RANBP2: variants seen among roughly 807,000 people sequenced by gnomAD.
The protein encoded by RANBP2 is E3 SUMO-protein ligase RanBP2.
In RANBP2, 57 loss-of-function variants were observed where a neutral mutation model predicts 303.6. The observed-to-expected ratio is 0.19, with a 90% confidence interval of 0.15 to 0.23. The LOEUF (loss-of-function observed/expected upper bound fraction) is 0.23. Ranked by LOEUF, RANBP2 falls within the 10% of genes least tolerant of loss-of-function variation. The pLI is 1.00. For missense variants in RANBP2, 3,138 were observed against 3,780.8 expected (o/e 0.83, Z 4.46); for synonymous variants, 1,167 against 1,301.5 (o/e 0.90, Z 2.23).
At chr2:109,629,319 A>G in the RANBP2 span, among the ~76,000 whole-genome samples, 14 of 4,000 alleles carry the variant, frequency 3.5e-3, 1 homozygote, top group African/African-American at 0.015. Context: ...ATATATATAT[A>G]TATATATATA....
At chr2:108,803,042 A>C in the RANBP2 span, among the ~76,000 whole-genome samples, 1 of 152,124 alleles carries the variant, frequency 6.6e-6, no homozygotes, top group Non-Finnish European at 1.5e-5. Context: ...GTGCCTCTTA[A>C]AGGTTGGTCT....
chr2:109,178,261 C>T, the RANBP2 span, among the ~76,000 whole-genome samples: 6 of 152,116 alleles, frequency 3.9e-5, no homozygotes, highest in East Asian at 1.9e-4. Flanking sequence ...TAGTTGTCAA[C>T]GTTTTTATCT....
the RANBP2 span, among the ~76,000 whole-genome samples, chr2:109,430,817 A>ACAGAGAC: frequency 1.3e-5 from 2 of 152,250 alleles, no homozygotes; most frequent in South Asian, 4.1e-4. Flanking sequence ...AGTTGGTCCT[A>ACAGAGAC]ATTTCACTGT....
At chr2:109,366,825 C>T in the RANBP2 span, among the ~76,000 whole-genome samples, 3 of 152,152 alleles carry the variant, frequency 2.0e-5, no homozygotes, top group Non-Finnish European at 4.4e-5. Flanking sequence ...TGCACTCCAG[C>T]CTGGGCAACA....
At chr2:109,016,419 C>T in the RANBP2 span, among the ~76,000 whole-genome samples, 2 of 152,158 alleles carry the variant, frequency 1.3e-5, no homozygotes, top group Admixed American at 6.5e-5. Flanking sequence ...AACCTTCCCC[C>T]TTTCCTTCCC....
At chr2:108,872,205 C>T in the RANBP2 span, among the ~76,000 whole-genome samples, 4 of 152,154 alleles carry the variant, frequency 2.6e-5, no homozygotes, top group African/African-American at 9.7e-5. Context: ...AGAGTCTGAT[C>T]ATTTTCTCTT....
At chr2:108,755,121 T>C in intron 16 of RANBP2, 37 bp downstream of exon 16, 2 of 1,611,898 alleles carry the variant, frequency 1.2e-6, no homozygotes, top group East Asian at 2.2e-5. Context: ...CATTGTGAAA[T>C]TGTTTCTGTT....
the RANBP2 span, chr2:109,545,411 C>T: frequency 4.6e-6 from 7 of 1,535,700 alleles, no homozygotes; most frequent in Admixed American, 2.0e-5. Context: ...TTGCGATTAT[C>T]ATCCACATGC....
At chr2:109,199,597 T>TCAACCCGA in the RANBP2 span, among the ~76,000 whole-genome samples, 2 of 274 alleles carry the variant, frequency 7.3e-3, no homozygotes, top group Admixed American at 0.036. Context: ...TGGAATGGAA[T>TCAACCCGA]GGAATGGAAT....
chr2:109,343,940 C>T, the RANBP2 span, among the ~76,000 whole-genome samples: 1 of 152,088 alleles, frequency 6.6e-6, no homozygotes, highest in African/African-American at 2.4e-5. Flanking sequence ...GATAGGGTCT[C>T]AGCGTGTTGC....
chr2:108,893,195 A>G, the RANBP2 span, among the ~76,000 whole-genome samples: 1 of 119,510 alleles, frequency 8.4e-6, no homozygotes, highest in Non-Finnish European at 1.7e-5. Flanking sequence ...ATTTTCCTTT[A>G]TATTTTCCTT....
the RANBP2 span, among the ~76,000 whole-genome samples, chr2:109,525,531 C>A: frequency 6.6e-6 from 1 of 152,174 alleles, no homozygotes; most frequent in Non-Finnish European, 1.5e-5. Flanking sequence ...CCCGAGCTGA[C>A]GCCAACCACA....
At chr2:109,231,410 C>A in the RANBP2 span, among the ~76,000 whole-genome samples, 1 of 152,190 alleles carries the variant, frequency 6.6e-6, no homozygotes, top group Non-Finnish European at 1.5e-5. Context: ...TAGATCTGTG[C>A]CTGGTTGGGG....
At chr2:108,750,432 A>G (rs965018890) in intron 9 of RANBP2, among the ~76,000 whole-genome samples, 1 of 152,216 alleles carries the variant, frequency 6.6e-6, no homozygotes, top group African/African-American at 2.4e-5. Context: ...TCTTCATTGC[A>G]AGTTATTTCC....
the RANBP2 span, among the ~76,000 whole-genome samples, chr2:109,342,167 C>T: frequency 5.3e-5 from 8 of 152,228 alleles, no homozygotes; most frequent in Non-Finnish European, 8.8e-5. Context: ...GAGCCCCTGG[C>T]TGGAATGCCC....
chr2:108,755,134 A>G (rs1676200302), intron 16 of RANBP2, 42 bp from the exon 17 acceptor site: 3 of 1,611,948 alleles, frequency 1.9e-6, no homozygotes, highest in South Asian at 1.1e-5. Flanking sequence ...TTTCTGTTCT[A>G]AGTGTTTTAA....
At chr2:109,315,756 A>T in the RANBP2 span, among the ~76,000 whole-genome samples, 1 of 152,320 alleles carries the variant, frequency 6.6e-6, no homozygotes, top group African/African-American at 2.4e-5. Context: ...CTATTGTGAC[A>T]TTTAGAGTAT....
intron 8 of RANBP2, among the ~76,000 whole-genome samples, chr2:108,748,706 C>G (rs192030603): frequency 2.6e-5 from 4 of 152,220 alleles, no homozygotes; most frequent in East Asian, 3.9e-4. Context: ...TTTCCCCCTT[C>G]TGCTGTCTTA....
At chr2:108,895,965 GT>G in the RANBP2 span, 12 of 152,342 alleles carry the variant, frequency 7.9e-5, no homozygotes, top group African/African-American at 2.9e-4. Context: ...ACTCATACAT[GT>G]TTGAAGTGAA....
Sources: gnomAD v4.1 joint callset for allele counts (sites outside exome capture counted in the v4.1 genomes callset) on GRCh38, gnomAD v4.1.1 for gene constraint, MANE v1.5 for transcripts, NCBI Gene and HGNC (gene_info 2026-07-23, HGNC 2026-07-21) for gene names.